Variants in RIMS2 observed in about 807,000 individuals in gnomAD.
The protein encoded by RIMS2 is regulating synaptic membrane exocytosis 2, also known as regulating synaptic membrane exocytosis protein 2.
Under a neutral mutation model 174.4 loss-of-function variants are expected in RIMS2, and 59 were observed. The ratio of observed to expected loss-of-function variants is 0.34; its 90% CI spans 0.27 to 0.42. RIMS2 has a LOEUF of 0.42. Ranked by LOEUF, RIMS2 falls within the 10% of genes least tolerant of loss-of-function variation. RIMS2 has a pLI of 1.00. For missense variants in RIMS2, 1,620 were observed against 1,666.3 expected, an observed-to-expected ratio of 0.97 and a Z score of 0.48; for synonymous variants, 606 against 572.5, an observed-to-expected ratio of 1.06 and a Z score of -0.84.
At chr8:103,677,339 C>A (rs1445045119) in intron 1 of RIMS2, among the ~76,000 whole-genome samples, 1 of 152,092 alleles carries the variant, frequency 6.6e-6, no homozygotes, top group Non-Finnish European at 1.5e-5. Context: ...GCAATATTGT[C>A]ATTTACTGCC....
intron 19 of RIMS2, among the ~76,000 whole-genome samples, chr8:104,189,582 TTATA>T (rs34057466): frequency 2.8e-5 from 4 of 145,226 alleles, no homozygotes; most frequent in Non-Finnish European, 6.0e-5. Context: ...AATATATACA[TTATA>T]TATATATATA....
intron 4 of RIMS2, among the ~76,000 whole-genome samples, chr8:103,889,293 T>C (rs545120427): frequency 6.8e-6 from 1 of 147,090 alleles, no homozygotes; most frequent in Non-Finnish European, 1.5e-5. Flanking sequence ...ACAAACCAAC[T>C]TTTAAAAAAT....
At chr8:103,821,403 G>T (rs778886470) in intron 3 of RIMS2, among the ~76,000 whole-genome samples, 1 of 151,448 alleles carries the variant, frequency 6.6e-6, no homozygotes, top group East Asian at 1.9e-4. Flanking sequence ...CCAATTACTC[G>T]ATAAGTAATT....
chr8:103,536,027 G>T (rs1052994527), intron 1 of RIMS2, among the ~76,000 whole-genome samples: 1 of 152,174 alleles, frequency 6.6e-6, no homozygotes, highest in East Asian at 1.9e-4. Flanking sequence ...CACAAGTAGA[G>T]ACTATAGCAA....
intron 19 of RIMS2, among the ~76,000 whole-genome samples, chr8:104,225,365 T>C (rs1318237436): frequency 6.6e-6 from 1 of 152,214 alleles, no homozygotes; most frequent in Non-Finnish European, 1.5e-5. Context: ...ATTATTTTCT[T>C]ATATTTGGCT....
chr8:104,226,409 A>G (rs7014322), intron 19 of RIMS2, among the ~76,000 whole-genome samples: 5,194 of 152,278 alleles, frequency 0.034, 199 homozygotes, highest in East Asian at 0.15. Flanking sequence ...ATTCTACACA[A>G]AAAGTGCCAA....
chr8:104,106,234 TTCATTC>T (rs1450206450), intron 19 of RIMS2, among the ~76,000 whole-genome samples: 2 of 151,962 alleles, frequency 1.3e-5, no homozygotes, highest in Non-Finnish European at 2.9e-5. Context: ...CAGCCTAAAA[TTCATTC>T]TCATGTCTTA....
At chr8:103,644,725 C>A (rs1435896209) in intron 1 of RIMS2, among the ~76,000 whole-genome samples, 2 of 150,592 alleles carry the variant, frequency 1.3e-5, no homozygotes, top group African/African-American at 4.9e-5. Context: ...AATATTTATA[C>A]ATATTTTGTT....
chr8:104,226,129 C>A (rs987673555), intron 19 of RIMS2, among the ~76,000 whole-genome samples: 24 of 152,074 alleles, frequency 1.6e-4, no homozygotes, highest in Non-Finnish European at 2.2e-4. Flanking sequence ...GAGACTCATT[C>A]ACATTTATAA....
chr8:103,653,148 G>A (rs987143137), intron 1 of RIMS2, among the ~76,000 whole-genome samples: 7 of 152,090 alleles, frequency 4.6e-5, no homozygotes, highest in African/African-American at 1.7e-4. Flanking sequence ...ACCCAAATAT[G>A]CTCCAAGGGT....
intron 14 of RIMS2, among the ~76,000 whole-genome samples, chr8:103,949,123 T>TAAA (rs2084607715): frequency 6.7e-5 from 2 of 29,898 alleles, no homozygotes; most frequent in Admixed American, 5.1e-4. Context: ...TGAGACTCTG[T>TAAA]CAAAAAAAAA....
At chr8:103,971,977 G>A (rs2092934259) in intron 15 of RIMS2, among the ~76,000 whole-genome samples, 2 of 152,078 alleles carry the variant, frequency 1.3e-5, no homozygotes, top group African/African-American at 2.4e-5. Flanking sequence ...ACTGATTCAT[G>A]TTGGCATGGC....
chr8:103,584,155 A>C (rs1412683130), intron 1 of RIMS2, among the ~76,000 whole-genome samples: 1 of 152,200 alleles, frequency 6.6e-6, no homozygotes, highest in African/African-American at 2.4e-5. Flanking sequence ...TTTTCAGTGG[A>C]AATTTTACAG....
At chr8:104,021,568 G>C (rs2096089940) in intron 19 of RIMS2, among the ~76,000 whole-genome samples, 1 of 152,180 alleles carries the variant, frequency 6.6e-6, no homozygotes, top group African/African-American at 2.4e-5. Context: ...AATGTGTCAA[G>C]ATCGTATCTT....
At chr8:103,916,244 C>T (rs532015844) in intron 7 of RIMS2, among the ~76,000 whole-genome samples, 170 bp from the exon 11 acceptor site, 1 of 152,116 alleles carries the variant, frequency 6.6e-6, no homozygotes, top group South Asian at 2.1e-4. Context: ...ATATACTAAT[C>T]AACATGGTCA....
At chr8:103,554,916 G>C (rs902370129) in intron 1 of RIMS2, among the ~76,000 whole-genome samples, 2 of 152,104 alleles carry the variant, frequency 1.3e-5, no homozygotes, top group African/African-American at 4.8e-5. Flanking sequence ...AATCCCAAGT[G>C]AACTAATGTG....
At chr8:103,901,347 C>A (rs984744669) in intron 4 of RIMS2, among the ~76,000 whole-genome samples, 1 of 152,060 alleles carries the variant, frequency 6.6e-6, no homozygotes, top group East Asian at 1.9e-4. Context: ...GCTAAGATGT[C>A]CCCATTCCAT....
chr8:104,203,967 T>C (rs1293835862), intron 19 of RIMS2, among the ~76,000 whole-genome samples: 1 of 152,236 alleles, frequency 6.6e-6, no homozygotes, highest in East Asian at 1.9e-4. Flanking sequence ...AGCCAATAGT[T>C]TGAATATTTT....
At chr8:104,176,248 G>A (rs1477760839) in intron 19 of RIMS2, among the ~76,000 whole-genome samples, 1 of 152,058 alleles carries the variant, frequency 6.6e-6, no homozygotes, top group Non-Finnish European at 1.5e-5. Flanking sequence ...TCCAGCTGTG[G>A]CTTTTTTCCT....
Sources: gnomAD v4.1 joint callset for allele counts (sites outside exome capture counted in the v4.1 genomes callset) on GRCh38, gnomAD v4.1.1 for gene constraint, MANE v1.5 for transcripts, NCBI Gene and HGNC (gene_info 2026-07-23, HGNC 2026-07-21) for gene names.